CFAP251: variants seen among roughly 807,000 people sequenced by gnomAD.
The protein encoded by CFAP251 is cilia and flagella associated protein 251.
A neutral mutation model predicts 126.7 loss-of-function variants in CFAP251; 93 were observed. That is an observed-to-expected ratio of 0.73 (90% CI 0.62 to 0.87). The LOEUF (loss-of-function observed/expected upper bound fraction) is 0.87. CFAP251 is among the 40% of genes least tolerant of loss of function. The pLI is 0.00. For missense variants in CFAP251, 1,287 were observed against 1,389.2 expected, an observed-to-expected ratio of 0.93 and a Z score of 1.17; for synonymous variants, 503 against 506.9, an observed-to-expected ratio of 0.99 and a Z score of 0.10.
intron 3 of CFAP251, among the ~76,000 whole-genome samples, chr12:121,929,681 C>CTT (rs547554376): frequency 2.1e-5 from 3 of 144,046 alleles, no homozygotes; most frequent in Non-Finnish European, 3.1e-5. Context: ...AACCACTGAT[C>CTT]TTTTTTTTTT....
chr12:121,935,607 A>G (rs1316227278), intron 5 of CFAP251, among the ~76,000 whole-genome samples: 2 of 152,168 alleles, frequency 1.3e-5, no homozygotes, highest in Non-Finnish European at 2.9e-5. Flanking sequence ...CATCTATTGC[A>G]CTGTGTCTGA....
chr12:121,923,267 C>T (rs1880267274), intron 2 of CFAP251, among the ~76,000 whole-genome samples: 1 of 152,132 alleles, frequency 6.6e-6, no homozygotes, highest in Non-Finnish European at 1.5e-5. Flanking sequence ...AAGCAATCCT[C>T]TCACCTCAGC....
At chr12:121,946,407 C>G (rs957760382) in intron 7 of CFAP251, among the ~76,000 whole-genome samples, 1 of 152,138 alleles carries the variant, frequency 6.6e-6, no homozygotes, top group Non-Finnish European at 1.5e-5. Flanking sequence ...GTATAGAATT[C>G]TAGAGTGGTA....
chr12:121,934,807 C>T (rs1880826458), intron 5 of CFAP251, among the ~76,000 whole-genome samples: 1 of 152,192 alleles, frequency 6.6e-6, no homozygotes, highest in Non-Finnish European at 1.5e-5. Flanking sequence ...CCACCATTGC[C>T]TCCTTTCTTT....
rs1251379061 is a variant in CFAP251 at position 121,978,255 on chromosome 12, G to A, written c.3006+2570G>A. ...AAAAAATACAAAAAATAAGCCGAGC[G>A]TGGTGGCGGGTGCCTATAGTCCCAG... is the stretch of plus-strand genomic sequence containing the variant. On this transcript the variant is annotated intron_variant, in intron 19 of 21. Transcript: ENST00000288912. Among the ~76,000 whole-genome samples, 5 of 150,772 alleles carry A rather than the reference G, an allele frequency of 3.3e-5. No individual in the cohort carries two copies. The South Asian group carries it at 6.3e-4, about 19-fold the overall frequency.
intron 7 of CFAP251, among the ~76,000 whole-genome samples, chr12:121,945,319 G>GTTGTTTTGTT (rs1238972040): frequency 1.4e-5 from 2 of 147,038 alleles, no homozygotes; most frequent in African/African-American, 4.9e-5. Flanking sequence ...TTTTGTTGTT[G>GTTGTTTTGTT]TTGTTTTGTT....
chr12:121,951,499 T>G lies in CFAP251; in HGVS notation c.1289T>G (p.Leu430Arg), dbSNP rs1396019058. Residue 430 changes from leucine to arginine, a missense_variant, in exon 9 of 22, where the codon CTG (leucine) becomes CGG (arginine). Transcript: ENST00000288912. ...YYAWYEERDT[L>R]AHSAPLLTEK... ...TATCAGTATGAAGAGAGGGATACAC[T>G]GGCTCACAGTGCCCCACTTTTAACT... 1 of 1,584,198 alleles carries G rather than the reference T, an allele frequency of 6.3e-7. No homozygotes were observed. The highest frequency in any genetic ancestry group is 1.1e-5 in the South Asian group (1 of 88,562).
chr12:121,969,506 G>A (rs1882262859), intron 17 of CFAP251: 20 of 984,532 alleles, frequency 2.0e-5, no homozygotes, highest in Non-Finnish European at 2.3e-5. Context: ...TTGTTGTTGA[G>A]ACAGGGTCTG....
intron 3 of CFAP251, among the ~76,000 whole-genome samples, chr12:121,924,672 C>G (rs1369911751): frequency 6.6e-6 from 1 of 151,400 alleles, no homozygotes; most frequent in Non-Finnish European, 1.5e-5. Context: ...CCTCGTGATC[C>G]GCCCACCTCG....
chr12:121,924,096 T>G, intron 3 of CFAP251, 106 bp downstream of exon 3: 1 of 1,346,800 alleles, frequency 7.4e-7, no homozygotes, highest in African/African-American at 1.5e-5. Context: ...AAGGATACTT[T>G]TTAAACTAAT....
At chr12:121,957,306 A>G (rs759452065) in intron 11 of CFAP251, 38 bp downstream of exon 11, 1 of 1,563,948 alleles carries the variant, frequency 6.4e-7, no homozygotes, top group Non-Finnish European at 8.7e-7. Flanking sequence ...GAATGGTTGA[A>G]AAATGATCAC....
intron 19 of CFAP251, among the ~76,000 whole-genome samples, chr12:121,984,602 C>T (rs958396252): frequency 2.6e-5 from 4 of 152,098 alleles, no homozygotes; most frequent in African/African-American, 4.8e-5. Flanking sequence ...CCACGGCGCC[C>T]GGCCTAGAAA....
At chr12:121,975,149 ACC>A (rs34488460) in intron 17 of CFAP251, 93 bp from the exon 18 acceptor site, 3 of 937,118 alleles carry the variant, frequency 3.2e-6, no homozygotes, top group African/African-American at 3.3e-5. Flanking sequence ...GTGCTGTGAT[ACC>A]CTTCAGAGGG....
chr12:121,993,003 C>CATGCGGAG (rs1882913194), intron 19 of CFAP251, among the ~76,000 whole-genome samples: 1 of 145,642 alleles, frequency 6.9e-6, no homozygotes, highest in Non-Finnish European at 1.5e-5. Context: ...CTCTCCCTCT[C>CATGCGGAG]CCCACGGTCT....
At chr12:121,952,420 T>TAAAA (rs11324705) in intron 9 of CFAP251, among the ~76,000 whole-genome samples, 1 of 146,658 alleles carries the variant, frequency 6.8e-6, no homozygotes. Flanking sequence ...ACCCTGTATA[T>TAAAA]AAAAAAAAAA....
At position 121,999,874 on chromosome 12, in the gene CFAP251, C is replaced by T. The variant is rs756699121; in HGVS notation, c.3165C>T (p.Leu1055=). ...MSGIHKSFEV[L]GYTNSKGKKA... Reference sequence around the variant, plus strand: ...GCATCCACAAGAGCTTTGAGGTGCTCGGTTATACCAACTCCAAAGGGAAAA... The same window carrying T: ...GCATCCACAAGAGCTTTGAGGTGCTTGGTTATACCAACTCCAAAGGGAAAA... The change falls in exon 20 of 22, where the codon CTC becomes CTT. Residue 1055 remains leucine, a synonymous_variant. Coordinates refer to ENST00000288912, the MANE Select transcript of CFAP251 (RefSeq NM_144668.6). 46 of 1,613,982 alleles carry T rather than the reference C, an allele frequency of 2.9e-5. No individual in the cohort carries two copies. Among genetic ancestry groups the T allele is most frequent in the Non-Finnish European group, 3.6e-5 (43 of 1,180,012 alleles).
Position 121,921,344 on chromosome 12 carries a change from A to G in CFAP251, c.39A>G (p.Gly13=), listed in dbSNP as rs1157969058. 14 of 1,606,204 alleles carry G rather than the reference A, an allele frequency of 8.7e-6. No homozygotes were observed. The highest frequency in any genetic ancestry group is 1.0e-5 in the Non-Finnish European group (12 of 1,178,008). Residue 13 remains glycine (G), a synonymous_variant, in exon 2 of 22, where the codon GGA becomes GGG. Transcript: ENST00000288912. ...CAGAAGCTCCCCGAGAAGCAACAGG[A>G]GAAAATGGAGAAACAGAAATGAAAG... ...DAAEAPREAT[G]ENGETEMKEE...
At chr12:121,997,700 T>A (rs1278055019) in intron 19 of CFAP251, 1 of 151,986 alleles carries the variant, frequency 6.6e-6, no homozygotes, top group Non-Finnish European at 1.5e-5. Context: ...GTTTTATTAA[T>A]TTATTATAAT....
At chr12:121,984,923 G>A (rs1018860878) in intron 19 of CFAP251, among the ~76,000 whole-genome samples, 1 of 152,200 alleles carries the variant, frequency 6.6e-6, no homozygotes, top group Non-Finnish European at 1.5e-5. Flanking sequence ...ATCCTGTAGA[G>A]ACGTATGTGC....
Sources: gnomAD v4.1 joint callset for allele counts (sites outside exome capture counted in the v4.1 genomes callset) on GRCh38, gnomAD v4.1.1 for gene constraint, MANE v1.5 for transcripts, NCBI Gene and HGNC (gene_info 2026-07-23, HGNC 2026-07-21) for gene names.